The following GNAT3 variants were observed in gnomAD, a reference collection of about 807,000 sequenced individuals.
GNAT3 encodes the protein G protein subunit alpha transducin 3, also known as guanine nucleotide-binding protein G(t) subunit alpha-3.
GNAT3 carries 31 observed loss-of-function variants against 37.7 expected under a neutral mutation model. That is an observed-to-expected ratio of 0.82 (90% CI 0.62 to 1.11). GNAT3 has a LOEUF of 1.11. GNAT3 is among the 50% of genes most tolerant of loss of function. The pLI is 0.00. For synonymous variants in GNAT3, 138 were observed against 139.8 expected, an observed-to-expected ratio of 0.99 and a Z score of 0.09; for missense variants, 437 against 412.5, an observed-to-expected ratio of 1.06 and a Z score of -0.51.
chr7:80,476,093 A>G (rs948048036), intron 4 of GNAT3, among the ~76,000 whole-genome samples: 5 of 152,040 alleles, frequency 3.3e-5, no homozygotes, highest in African/African-American at 1.2e-4. Flanking sequence ...GAAAACAAAA[A>G]AAACCCAAAA....
At chr7:80,501,038 A>C (rs752461573) in intron 1 of GNAT3, among the ~76,000 whole-genome samples, 1 of 152,126 alleles carries the variant, frequency 6.6e-6, no homozygotes, top group Non-Finnish European at 1.5e-5. Flanking sequence ...TCAAATAATA[A>C]ATTGAAAAGA....
intron 3 of GNAT3, among the ~76,000 whole-genome samples, chr7:80,483,027 T>G (rs1299262128): frequency 6.6e-6 from 1 of 152,068 alleles, no homozygotes; most frequent in Non-Finnish European, 1.5e-5. Flanking sequence ...TTTAAATTTG[T>G]GCGTGCATAG....
intron 4 of GNAT3, 79 bp downstream of exon 4, chr7:80,478,762 C>T (rs1790343856): frequency 2.2e-6 from 3 of 1,374,588 alleles, no homozygotes; most frequent in Admixed American, 2.1e-5. Flanking sequence ...TTTGAATTTA[C>T]AAATGCAAAG....
chr7:80,468,341 T>C (rs1218684940), intron 5 of GNAT3, among the ~76,000 whole-genome samples: 9 of 152,118 alleles, frequency 5.9e-5, no homozygotes, highest in Non-Finnish European at 1.3e-4. Context: ...TTATATAATC[T>C]AGAGTAGCTA....
intron 5 of GNAT3, among the ~76,000 whole-genome samples, chr7:80,473,631 T>C (rs187546776): frequency 2.6e-4 from 39 of 152,304 alleles, no homozygotes; most frequent in Non-Finnish European, 4.1e-4. Context: ...TATTAAGGGA[T>C]ATTTTCTAAC....
At chr7:80,459,981 T>C (rs1388227206) in intron 7 of GNAT3, among the ~76,000 whole-genome samples, 3 of 152,202 alleles carry the variant, frequency 2.0e-5, no homozygotes, top group African/African-American at 7.2e-5. Flanking sequence ...ATCACACTTC[T>C]AGGCATTTAC....
intron 5 of GNAT3, 77 bp downstream of exon 5, chr7:80,474,174 T>C: frequency 7.1e-7 from 1 of 1,416,336 alleles, no homozygotes; most frequent in Non-Finnish European, 9.7e-7. Flanking sequence ...GAACATGGGC[T>C]AGAGCTTTTC....
intron 4 of GNAT3, among the ~76,000 whole-genome samples, chr7:80,477,610 T>C (rs1369289391): frequency 6.6e-6 from 1 of 152,194 alleles, no homozygotes; most frequent in African/African-American, 2.4e-5. Context: ...TCCCTAATCA[T>C]TCTGTCCATC....
At chr7:80,472,290 G>A (rs1790233967) in intron 5 of GNAT3, among the ~76,000 whole-genome samples, 1 of 152,040 alleles carries the variant, frequency 6.6e-6, no homozygotes, top group South Asian at 2.1e-4. Context: ...GGGGTTATTT[G>A]CACCAGAAAA....
At chr7:80,469,060 A>G (rs1227542822) in intron 5 of GNAT3, among the ~76,000 whole-genome samples, 23 of 152,108 alleles carry the variant, frequency 1.5e-4, no homozygotes, top group Admixed American at 1.3e-4. Context: ...GGAAAGCCAA[A>G]TTGAAATGTA....
chr7:80,469,893 A>G (rs1790181231), intron 5 of GNAT3, among the ~76,000 whole-genome samples: 1 of 152,194 alleles, frequency 6.6e-6, no homozygotes, highest in Non-Finnish European at 1.5e-5. Flanking sequence ...TTATTAAAGG[A>G]TTAATATATC....
chr7:80,508,865 A>G (rs1207864399), intron 1 of GNAT3, among the ~76,000 whole-genome samples: 1 of 152,078 alleles, frequency 6.6e-6, no homozygotes, highest in African/African-American at 2.4e-5. Context: ...TTAAGCTTCT[A>G]GAAATTCATT....
At position 80,511,994 on chromosome 7, in the gene GNAT3, T is replaced by C. The variant is rs1255625819; in HGVS notation, c.-68A>G. 1 of 1,086,676 alleles carries C rather than the reference T, an allele frequency of 9.2e-7. No individual in the cohort carries two copies. The highest frequency in any genetic ancestry group is 1.4e-6 in the Non-Finnish European group (1 of 726,126). 67.3% of individuals were successfully genotyped at this position (1,086,676 alleles called of 1,614,324 possible). A position where few individuals can be genotyped will look rare whatever the true frequency, so the allele number is the denominator to read the frequency against. ...TCAAATGTTGAGCACAGCTGTGGTTTGGACATAGGAGGCAAGAGTAATGCT... is the reference window on the plus strand; with the variant it reads ...TCAAATGTTGAGCACAGCTGTGGTTCGGACATAGGAGGCAAGAGTAATGCT... On this transcript the variant is annotated 5_prime_UTR_variant, in exon 1 of 8. Coordinates refer to ENST00000398291, the MANE Select transcript of GNAT3 (RefSeq NM_001102386.3).
At chr7:80,463,599 C>G (rs983900351) in intron 5 of GNAT3, among the ~76,000 whole-genome samples, 7 of 151,938 alleles carry the variant, frequency 4.6e-5, no homozygotes, top group African/African-American at 1.7e-4. Context: ...CCTTCTATAG[C>G]ATCACTTTCT....
intron 1 of GNAT3, among the ~76,000 whole-genome samples, chr7:80,511,347 T>C (rs1168760921): frequency 6.6e-6 from 1 of 152,122 alleles, no homozygotes; most frequent in Non-Finnish European, 1.5e-5. Context: ...TTCTCTAACT[T>C]GACTAATTGA....
At chr7:80,480,098 A>T (rs1280587322) in intron 3 of GNAT3, among the ~76,000 whole-genome samples, 4 of 152,172 alleles carry the variant, frequency 2.6e-5, no homozygotes, top group African/African-American at 9.7e-5. Flanking sequence ...TCATTTTTTA[A>T]AAAATTAAGA....
chr7:80,494,714 A>G, intron 1 of GNAT3, 67 bp from the exon 2 acceptor site: 1 of 911,546 alleles, frequency 1.1e-6, no homozygotes, highest in Non-Finnish European at 1.7e-6. Flanking sequence ...AAAAACTATC[A>G]CTTTTCATGG....
At chr7:80,482,846 A>G (rs1458130666) in intron 3 of GNAT3, among the ~76,000 whole-genome samples, 1 of 151,876 alleles carries the variant, frequency 6.6e-6, no homozygotes, top group Non-Finnish European at 1.5e-5. Context: ...TTTTAAAAAA[A>G]TATTCTATTT....
intron 5 of GNAT3, among the ~76,000 whole-genome samples, chr7:80,472,497 A>G (rs998629981): frequency 3.3e-5 from 5 of 152,178 alleles, no homozygotes; most frequent in Non-Finnish European, 1.5e-5. Flanking sequence ...TTTCTTGCAG[A>G]TTCAGGGGCA....
Sources: allele counts gnomAD v4.1 joint callset (sites outside exome capture counted in the v4.1 genomes callset), GRCh38; gene constraint gnomAD v4.1.1; transcripts MANE v1.5; gene names NCBI Gene and HGNC (gene_info 2026-07-23, HGNC 2026-07-21).